Variants in CERS6 observed in about 807,000 individuals in gnomAD.
The protein encoded by CERS6 is LAG1 homolog, ceramide synthase 6.
In CERS6, 26 loss-of-function variants were observed where a neutral mutation model predicts 56.8. The ratio of observed to expected loss-of-function variants is 0.46; its 90% confidence interval spans 0.34 to 0.63. CERS6 has a LOEUF of 0.63. Among genes scored for constraint, CERS6 ranks in the 30% least tolerant of loss-of-function variants. CERS6 has a pLI of 0.01. For missense variants in CERS6, 415 were observed against 467.5 expected, an observed-to-expected ratio of 0.89 and a Z score of 1.04; for synonymous variants, 164 against 173.3, an observed-to-expected ratio of 0.95 and a Z score of 0.42.
chr2:168,672,941 A>G lies in CERS6; in HGVS notation c.466-18093A>G, dbSNP rs147419870. Among the ~76,000 whole-genome samples the G allele has an allele frequency of 3.3e-5, 5 of 152,364 alleles. No individual in the cohort carries two copies. The South Asian group carries it at 1.0e-3, about 32-fold the overall frequency. ...AGAGATCAATTCCTTCCTTGTAATT[A>G]ACTGAGGAACTCAAAGGATAATTTC... On this transcript the variant is annotated intron_variant, in intron 4 of 9. Transcript: ENST00000305747.
At chr2:168,759,043 C>G (rs1684493749) in intron 8 of CERS6, among the ~76,000 whole-genome samples, 1 of 151,964 alleles carries the variant, frequency 6.6e-6, no homozygotes, top group Non-Finnish European at 1.5e-5. Context: ...GATGAAGAAC[C>G]CATAAAAGAT....
intron 1 of CERS6, among the ~76,000 whole-genome samples, chr2:168,464,629 G>T (rs998339701): frequency 1.3e-5 from 2 of 151,892 alleles, no homozygotes; most frequent in African/African-American, 4.8e-5. Context: ...GAGAGAAAGG[G>T]CTGGGAGGAA....
intron 3 of CERS6, among the ~76,000 whole-genome samples, chr2:168,593,634 A>C (rs1174622304): frequency 6.6e-6 from 1 of 152,192 alleles, no homozygotes; most frequent in African/African-American, 2.4e-5. Flanking sequence ...ACTTGTTATA[A>C]GCCGTTTAAC....
intron 4 of CERS6, among the ~76,000 whole-genome samples, chr2:168,676,342 A>G (rs1315585059): frequency 6.6e-6 from 1 of 152,080 alleles, no homozygotes; most frequent in Non-Finnish European, 1.5e-5. Context: ...TTTATCATGC[A>G]TTGGTCATTT....
At chr2:168,610,512 G>C (rs1161073000) in intron 3 of CERS6, among the ~76,000 whole-genome samples, 1 of 152,156 alleles carries the variant, frequency 6.6e-6, no homozygotes, top group Non-Finnish European at 1.5e-5. Context: ...TATTTGATTT[G>C]ATTTCATTTT....
At chr2:168,578,048 A>G (rs924204414) in intron 3 of CERS6, among the ~76,000 whole-genome samples, 1 of 152,188 alleles carries the variant, frequency 6.6e-6, no homozygotes, top group African/African-American at 2.4e-5. Flanking sequence ...ATGAATCACT[A>G]TAGGAATGGG....
intron 8 of CERS6, among the ~76,000 whole-genome samples, chr2:168,736,302 A>G (rs1014506839): frequency 6.6e-6 from 1 of 152,212 alleles, no homozygotes; most frequent in African/African-American, 2.4e-5. Flanking sequence ...ATACATGTAC[A>G]CAATGAGGAC....
chr2:168,599,268 C>T (rs1049993518), intron 3 of CERS6, among the ~76,000 whole-genome samples: 1 of 152,148 alleles, frequency 6.6e-6, no homozygotes, highest in African/African-American at 2.4e-5. Flanking sequence ...AATCCTCTCA[C>T]ATCCTATTTC....
At chr2:168,533,836 TC>T (rs1255030497) in intron 1 of CERS6, among the ~76,000 whole-genome samples, 1 of 152,086 alleles carries the variant, frequency 6.6e-6, no homozygotes, top group Non-Finnish European at 1.5e-5. Context: ...TCTCCCCATG[TC>T]CTTCAGGTAG....
chr2:168,621,702 A>G (rs1398584112), intron 3 of CERS6, among the ~76,000 whole-genome samples: 7 of 152,196 alleles, frequency 4.6e-5, no homozygotes. Flanking sequence ...ATAAAGAACA[A>G]TATGGGCTAG....
At chr2:168,679,266 A>T (rs1198761836) in intron 4 of CERS6, among the ~76,000 whole-genome samples, 1 of 152,194 alleles carries the variant, frequency 6.6e-6, no homozygotes, top group African/African-American at 2.4e-5. Flanking sequence ...AAAATAGGGC[A>T]ACTATGCTTA....
intron 3 of CERS6, among the ~76,000 whole-genome samples, chr2:168,578,326 C>G (rs544821178): frequency 6.6e-6 from 1 of 152,062 alleles, no homozygotes; most frequent in African/African-American, 2.4e-5. Flanking sequence ...TGAAGGAAAA[C>G]GTTACCATGT....
intron 1 of CERS6, among the ~76,000 whole-genome samples, chr2:168,521,264 C>T (rs151179864): frequency 2.0e-5 from 3 of 152,290 alleles, no homozygotes; most frequent in Non-Finnish European, 2.9e-5. Flanking sequence ...GTAAGTGAAA[C>T]GTTACAGTTT....
intron 1 of CERS6, among the ~76,000 whole-genome samples, chr2:168,541,576 C>G (rs1292179124): frequency 6.6e-6 from 1 of 151,624 alleles, no homozygotes; most frequent in Non-Finnish European, 1.5e-5. Context: ...TGTTCTTCAT[C>G]AACCTATTAG....
At position 168,591,695 on chromosome 2, in the gene CERS6, C is replaced by T. The variant is rs561829880; in HGVS notation, c.407+30373C>T. ...CTAGCAAAAGACTTTCTTTCACCTT[C>T]GGGGTGTTCCTTGGTTTAATTTGAT... is the stretch of plus-strand genomic sequence containing the variant. On this transcript the variant is annotated intron_variant, in intron 3 of 9. Transcript: ENST00000305747. 1.7e-4 allele frequency among the ~76,000 whole-genome samples: 26 copies of T among 152,262 alleles called. 2 individuals carry two copies. Among genetic ancestry groups the T allele is most frequent in the Admixed American group, 6.5e-4 (10 of 15,298 alleles).
intron 6 of CERS6, among the ~76,000 whole-genome samples, chr2:168,702,414 C>A (rs1686828381): frequency 6.6e-6 from 1 of 152,068 alleles, no homozygotes; most frequent in African/African-American, 2.4e-5. Context: ...TAGCTTGTCA[C>A]GTTGTTTCAA....
At chr2:168,517,517 A>T (rs778699304) in intron 1 of CERS6, among the ~76,000 whole-genome samples, 1 of 149,178 alleles carries the variant, frequency 6.7e-6, no homozygotes, top group African/African-American at 2.5e-5. Context: ...AAATAAATAA[A>T]TAAATAATAA....
chr2:168,517,882 G>A (rs1405145170), intron 1 of CERS6, among the ~76,000 whole-genome samples: 7 of 152,086 alleles, frequency 4.6e-5, no homozygotes, highest in Admixed American at 6.6e-5. Flanking sequence ...TTTATTTGGC[G>A]GATATATACA....
chr2:168,684,000 T>C (rs1223236175), intron 4 of CERS6, among the ~76,000 whole-genome samples: 1 of 152,196 alleles, frequency 6.6e-6, no homozygotes, highest in East Asian at 1.9e-4. Flanking sequence ...GGAAATCCTG[T>C]GACCTGAGTG....
Sources: gnomAD v4.1 joint callset for allele counts (sites outside exome capture counted in the v4.1 genomes callset) on GRCh38, gnomAD v4.1.1 for gene constraint, MANE v1.5 for transcripts, NCBI Gene and HGNC (gene_info 2026-07-23, HGNC 2026-07-21) for gene names.